The following C7orf78 variants were observed in gnomAD, a reference collection of about 807,000 sequenced individuals.
The protein encoded by C7orf78 is putative uncharacterized protein C7orf78.
chr7:12,496,063 C>A, the C7orf78 span, among the ~76,000 whole-genome samples: 2 of 152,036 alleles, frequency 1.3e-5, no homozygotes, highest in Non-Finnish European at 2.9e-5. Context: ...GTAGGTGCAA[C>A]TACAGGTGCC....
At chr7:12,506,829 A>G in the C7orf78 span, 1 of 422,004 alleles carries the variant, frequency 2.4e-6, no homozygotes, top group Non-Finnish European at 4.7e-6. Flanking sequence ...CTGAAAAAAT[A>G]CAGCAATTCC....
At chr7:12,499,703 T>C in the C7orf78 span, among the ~76,000 whole-genome samples, 2 of 151,826 alleles carry the variant, frequency 1.3e-5, no homozygotes, top group Non-Finnish European at 2.9e-5. Flanking sequence ...TACCCAGGAA[T>C]TGAACTCAGC....
chr7:12,518,515 T>C, the C7orf78 span, among the ~76,000 whole-genome samples: 1 of 152,162 alleles, frequency 6.6e-6, no homozygotes, highest in African/African-American at 2.4e-5. Flanking sequence ...TGTGATTGGC[T>C]GAGCAGACCC....
At chr7:12,490,379 A>G in the C7orf78 span, among the ~76,000 whole-genome samples, 1 of 152,184 alleles carries the variant, frequency 6.6e-6, no homozygotes, top group East Asian at 1.9e-4. Flanking sequence ...GGACGATGTC[A>G]TCATGTGAAT....
At chr7:12,512,558 T>A in the C7orf78 span, among the ~76,000 whole-genome samples, 3 of 152,170 alleles carry the variant, frequency 2.0e-5, no homozygotes, top group Non-Finnish European at 2.9e-5. Context: ...ATGGTGTATA[T>A]CTTTTTGATG....
chr7:12,490,466 G>A, the C7orf78 span, among the ~76,000 whole-genome samples: 1 of 152,096 alleles, frequency 6.6e-6, no homozygotes, highest in Non-Finnish European at 1.5e-5. Context: ...ATGAAAACAG[G>A]ATATATTTCA....
At chr7:12,497,211 G>A in the C7orf78 span, among the ~76,000 whole-genome samples, 1 of 152,140 alleles carries the variant, frequency 6.6e-6, no homozygotes, top group African/African-American at 2.4e-5. Context: ...TATTTATGGC[G>A]GGGGGAGGAG....
At chr7:12,525,679 T>C in the C7orf78 span, 2 of 379,626 alleles carry the variant, frequency 5.3e-6, no homozygotes, top group East Asian at 3.7e-5. Flanking sequence ...AAGTTTTAAA[T>C]GCTACATTTG....
the C7orf78 span, among the ~76,000 whole-genome samples, chr7:12,527,116 A>G: frequency 1.4e-5 from 2 of 146,464 alleles, no homozygotes; most frequent in Non-Finnish European, 3.0e-5. Context: ...AGTATATGCT[A>G]TGTGTCACTC....
the C7orf78 span, among the ~76,000 whole-genome samples, chr7:12,503,233 T>TAATAAATA: frequency 0.034 from 4,590 of 135,276 alleles, 296 homozygotes; most frequent in African/African-American, 0.12. Context: ...TAAAGTATAA[T>TAATAAATA]AATAAACAAA....
At chr7:12,516,601 A>T in the C7orf78 span, among the ~76,000 whole-genome samples, 6 of 152,178 alleles carry the variant, frequency 3.9e-5, no homozygotes, top group African/African-American at 1.4e-4. Context: ...ACAGACACTC[A>T]ATGCCAGCCC....
At chr7:12,516,174 G>A in the C7orf78 span, among the ~76,000 whole-genome samples, 1 of 152,198 alleles carries the variant, frequency 6.6e-6, no homozygotes, top group Non-Finnish European at 1.5e-5. Context: ...TCTGTACTAC[G>A]TGCAGCCTAG....
At chr7:12,535,498 T>A in the C7orf78 span, among the ~76,000 whole-genome samples, 1 of 152,174 alleles carries the variant, frequency 6.6e-6, no homozygotes, top group Non-Finnish European at 1.5e-5. Flanking sequence ...GAATTCAGGA[T>A]GAGATTTGGG....
At chr7:12,520,070 A>T in the C7orf78 span, among the ~76,000 whole-genome samples, 1 of 152,240 alleles carries the variant, frequency 6.6e-6, no homozygotes, top group Non-Finnish European at 1.5e-5. Context: ...GCAGCAGTCC[A>T]CAGTGAGGAT....
At chr7:12,536,747 C>A in the C7orf78 span, among the ~76,000 whole-genome samples, 1 of 152,296 alleles carries the variant, frequency 6.6e-6, no homozygotes, top group East Asian at 1.9e-4. Context: ...TTAGAAATTT[C>A]TTCTGCCAGA....
the C7orf78 span, among the ~76,000 whole-genome samples, chr7:12,503,103 G>A: frequency 7.2e-6 from 1 of 138,834 alleles, no homozygotes; most frequent in East Asian, 2.0e-4. Context: ...GTAGGGGGGA[G>A]GGATAGCATT....
At chr7:12,512,031 T>C in the C7orf78 span, among the ~76,000 whole-genome samples, 3 of 145,574 alleles carry the variant, frequency 2.1e-5, no homozygotes, top group South Asian at 2.2e-4. Flanking sequence ...CTCCTTGGCC[T>C]CCCAAAGTGC....
the C7orf78 span, among the ~76,000 whole-genome samples, chr7:12,486,599 T>G: frequency 6.6e-6 from 1 of 152,036 alleles, no homozygotes; most frequent in South Asian, 2.1e-4. Context: ...TTTTTTTCCA[T>G]TGATTTTACA....
At chr7:12,531,059 TG>T in the C7orf78 span, 1 of 398,474 alleles carries the variant, frequency 2.5e-6, no homozygotes. Flanking sequence ...ATGGATCGTG[TG>T]GAAGAAAAGT....
Sources: allele counts gnomAD v4.1 joint callset (sites outside exome capture counted in the v4.1 genomes callset), GRCh38; gene constraint gnomAD v4.1.1; transcripts MANE v1.5; gene names NCBI Gene and HGNC (gene_info 2026-07-23, HGNC 2026-07-21).